TMEM9: variants seen among roughly 807,000 people sequenced by gnomAD.
TMEM9 encodes the protein proton-transporting V-type ATPase complex assembly regulator TMEM9.
TMEM9 carries 13 observed loss-of-function variants against 22.8 expected under a neutral mutation model. That is an observed-to-expected ratio of 0.57 (90% confidence interval 0.37 to 0.91). The LOEUF (loss-of-function observed/expected upper bound fraction) is 0.91, where lower values mean the gene tolerates loss of function less well. Among genes scored for constraint, TMEM9 ranks in the 40% least tolerant of loss-of-function variants. The pLI, the probability that TMEM9 is intolerant of heterozygous loss-of-function variation, is 0.01. For synonymous variants in TMEM9, 88 were observed against 93.0 expected (o/e 0.95, Z 0.31); for missense variants, 182 against 238.1 (o/e 0.76, Z 1.55).
At chr1:201,145,566 A>T (rs1414880174) in intron 3 of TMEM9, 1 of 152,308 alleles carries the variant, frequency 6.6e-6, no homozygotes, top group Non-Finnish European at 1.5e-5. Context: ...GAGAAACCTG[A>T]TGGAGGACCC....
intron 4 of TMEM9, 32 bp downstream of exon 4, chr1:201,143,788 A>T: frequency 1.2e-6 from 2 of 1,611,176 alleles, no homozygotes; most frequent in Non-Finnish European, 1.7e-6. Context: ...ACATGCAGGG[A>T]CCCAGGGCCT....
intron 1 of TMEM9, among the ~76,000 whole-genome samples, chr1:201,165,757 G>C (rs572455681): frequency 6.6e-6 from 1 of 152,128 alleles, no homozygotes; most frequent in African/African-American, 2.4e-5. Flanking sequence ...ATTTTAAAGG[G>C]TGGGACCTTG....
chr1:201,155,460 G>A (rs1665760517), upstream of TMEM9, among the ~76,000 whole-genome samples: 1 of 152,198 alleles, frequency 6.6e-6, no homozygotes, highest in Non-Finnish European at 1.5e-5. Context: ...TTATCTGGAG[G>A]CCACTGAGTT....
chr1:201,166,192 T>C (rs1471751845), intron 1 of TMEM9, among the ~76,000 whole-genome samples: 1 of 152,166 alleles, frequency 6.6e-6, no homozygotes, highest in African/African-American at 2.4e-5. Flanking sequence ...TGTGTTTTTC[T>C]ACTTTCTCTA....
intron 1 of TMEM9, among the ~76,000 whole-genome samples, chr1:201,167,047 AT>A (rs11409952): frequency 1.3e-5 from 2 of 152,158 alleles, no homozygotes; most frequent in Non-Finnish European, 2.9e-5. Context: ...ATAGAGATGT[AT>A]TTTTTTATTT....
chr1:201,153,244 A>G (rs1665570714), intron 1 of TMEM9, among the ~76,000 whole-genome samples: 1 of 152,238 alleles, frequency 6.6e-6, no homozygotes, highest in Admixed American at 6.5e-5. Context: ...ACGTAAGAAA[A>G]TATTTATCGG....
At chr1:201,159,462 G>A (rs538685726), upstream of TMEM9, among the ~76,000 whole-genome samples, 6 of 147,180 alleles carry the variant, frequency 4.1e-5, no homozygotes, top group South Asian at 1.3e-3. Context: ...TTTTGGCTGG[G>A]GTCCCCACAT....
chr1:201,153,703 C>G (rs1011910259), intron 1 of TMEM9, 155 bp downstream of exon 1: 1 of 1,539,476 alleles, frequency 6.5e-7, no homozygotes, highest in African/African-American at 1.4e-5. Context: ...AGGCCAGCAG[C>G]CTTGAACCTG....
chr1:201,136,875 G>C (rs995881184), intron 4 of TMEM9, among the ~76,000 whole-genome samples: 1 of 152,252 alleles, frequency 6.6e-6, no homozygotes, highest in African/African-American at 2.4e-5. Context: ...CCCAGTAAAT[G>C]CAACTTTGCT....
At position 201,153,670 on chromosome 1, in the gene TMEM9, C is replaced by T. The variant is rs1056031839; in HGVS notation, c.66+188G>A. 15 of 1,386,000 alleles carry T rather than the reference C, an allele frequency of 1.1e-5. No homozygotes were observed. In the African/African-American group the frequency reaches 1.4e-4, roughly 13 times the overall value. The allele number at this position is 1,386,000 out of a possible 1,614,324, so 85.9% of individuals were successfully genotyped here. A position where few individuals can be genotyped will look rare whatever the true frequency, so the allele number is the denominator to read the frequency against. ...GCTCTGTGCCCCACCCTTCCTCACT[C>T]CTCACCCGCACTATCCTTAGGGAGG... On this transcript the variant is annotated intron_variant, in intron 1 of 4. Coordinates refer to ENST00000367330, the MANE Select transcript of TMEM9 (RefSeq NM_001288565.2).
upstream of TMEM9, among the ~76,000 whole-genome samples, chr1:201,156,047 A>T (rs1247402740): frequency 6.6e-6 from 1 of 152,174 alleles, no homozygotes; most frequent in Non-Finnish European, 1.5e-5. Flanking sequence ...TATACGTTCC[A>T]TATGAAGGTG....
chr1:201,135,646 C>A lies in TMEM9; in HGVS notation c.*17G>T, dbSNP rs756144971. The A allele has an allele frequency of 3.1e-6, 5 of 1,592,782 alleles. No individual in the cohort carries two copies. The East Asian group carries it at 6.8e-5, about 22-fold the overall frequency. On this transcript the variant is annotated 3_prime_UTR_variant, in exon 5 of 5. Transcript: ENST00000367330. ...CAGCCATGGTGTTGGGGCCTTGACC[C>A]AACCACACCAGCCCATCTAGCTGAG...
chr1:201,152,331 T>C (rs1665498638), intron 1 of TMEM9, among the ~76,000 whole-genome samples: 1 of 152,216 alleles, frequency 6.6e-6, no homozygotes, highest in Admixed American at 6.5e-5. Context: ...AAGTGGATCA[T>C]TTCTGTGGGA....
intron 1 of TMEM9, among the ~76,000 whole-genome samples, chr1:201,161,511 A>G (rs1019649484): frequency 1.5e-4 from 23 of 152,236 alleles, no homozygotes; most frequent in Admixed American, 5.9e-4. Flanking sequence ...CAGGAACAGT[A>G]TCATAGGATG....
chr1:201,138,580 C>A (rs1015446940), intron 4 of TMEM9, among the ~76,000 whole-genome samples: 1 of 152,148 alleles, frequency 6.6e-6, no homozygotes, highest in African/African-American at 2.4e-5. Flanking sequence ...TGGAGCCCCT[C>A]CCAATCAGAA....
intron 3 of TMEM9, 58 bp downstream of exon 3, chr1:201,146,682 C>A (rs765053375): frequency 1.3e-6 from 2 of 1,532,298 alleles, no homozygotes; most frequent in South Asian, 1.1e-5. Context: ...GTAGGCCAGT[C>A]TGCGATTGGA....
chr1:201,157,603 TC>T (rs1262375414), upstream of TMEM9, among the ~76,000 whole-genome samples: 1 of 152,252 alleles, frequency 6.6e-6, no homozygotes, highest in East Asian at 1.9e-4. Flanking sequence ...AAATGCTTTT[TC>T]CCTTCAAAAA....
rs368428787 is a variant in TMEM9 at position 201,135,612 on chromosome 1, G to A, written c.*51C>T. The A allele has an allele frequency of 2.6e-5, 40 of 1,524,576 alleles. No homozygotes were observed. The African/African-American group carries it at 3.9e-4, about 15-fold the overall frequency. The allele number at this position is 1,524,576 out of a possible 1,614,324, so 94.4% of individuals were successfully genotyped here. ...AGTAGCCCCCTGCTTTGTCCAGCCT[G>A]GAAGCTGGCAGCCATGGTGTTGGGG... On this transcript the variant is annotated 3_prime_UTR_variant, in exon 5 of 5. Transcript: ENST00000367330.
At chr1:201,136,734 T>C (rs988739825) in intron 4 of TMEM9, among the ~76,000 whole-genome samples, 1 of 152,188 alleles carries the variant, frequency 6.6e-6, no homozygotes, top group African/African-American at 2.4e-5. Context: ...CTGAACCTGA[T>C]CTTTGGAGAG....
Sources: gnomAD v4.1 joint callset for allele counts (sites outside exome capture counted in the v4.1 genomes callset) on GRCh38, gnomAD v4.1.1 for gene constraint, MANE v1.5 for transcripts, NCBI Gene and HGNC (gene_info 2026-07-23, HGNC 2026-07-21) for gene names.